The following RNLS variants were observed in gnomAD, a reference collection of about 807,000 sequenced individuals.
The protein encoded by RNLS is renalase.
A neutral mutation model predicts 39.8 loss-of-function variants in RNLS; 39 were observed. The observed-to-expected ratio is 0.98, with a 90% CI of 0.76 to 1.28. RNLS has a LOEUF of 1.28. RNLS is among the 50% of genes most tolerant of loss of function. RNLS has a pLI of 0.00. For missense variants in RNLS, 410 were observed against 413.3 expected (o/e 0.99, Z 0.07); for synonymous variants, 147 against 150.7 (o/e 0.98, Z 0.18).
At chr10:88,315,753 T>TTTA (rs1329019135) in intron 5 of RNLS, among the ~76,000 whole-genome samples, 1 of 151,326 alleles carries the variant, frequency 6.6e-6, no homozygotes, top group African/African-American at 2.4e-5. Flanking sequence ...TTTTTTTTTT[T>TTTA]AATGAGAATA....
chr10:88,182,090 G>A, the RNLS span, among the ~76,000 whole-genome samples: 5,366 of 152,226 alleles, frequency 0.035, 300 homozygotes, highest in African/African-American at 0.12. Context: ...CAAACAACTT[G>A]AAGTATGTTT....
chr10:88,473,831 A>G (rs1002212197), intron 4 of RNLS, among the ~76,000 whole-genome samples: 4 of 151,916 alleles, frequency 2.6e-5, no homozygotes, highest in Non-Finnish European at 4.4e-5. Context: ...AGCCATATAT[A>G]TATATTTTTC....
chr10:88,182,431 T>C, the RNLS span, among the ~76,000 whole-genome samples: 1 of 152,150 alleles, frequency 6.6e-6, no homozygotes, highest in Non-Finnish European at 1.5e-5. Flanking sequence ...TACTTTTTGC[T>C]TCAAAATGCG....
At chr10:88,201,588 A>G in the RNLS span, among the ~76,000 whole-genome samples, 2 of 152,064 alleles carry the variant, frequency 1.3e-5, no homozygotes, top group Non-Finnish European at 2.9e-5. Flanking sequence ...CCAGAATCTC[A>G]GAAATGGATC....
chr10:88,290,418 G>C (rs1005233521), intron 6 of RNLS, among the ~76,000 whole-genome samples: 1 of 152,168 alleles, frequency 6.6e-6, no homozygotes, highest in Non-Finnish European at 1.5e-5. Context: ...AATGTGATCA[G>C]GGAGACTGGA....
At chr10:88,282,590 G>A (rs530927573), downstream of RNLS, among the ~76,000 whole-genome samples, 2 of 151,448 alleles carry the variant, frequency 1.3e-5, no homozygotes, top group African/African-American at 4.9e-5. Flanking sequence ...AGTTAACAAG[G>A]TAGTGGGTAG....
chr10:88,551,597 T>A (rs1384730024), intron 4 of RNLS, among the ~76,000 whole-genome samples: 1 of 152,196 alleles, frequency 6.6e-6, no homozygotes, highest in Non-Finnish European at 1.5e-5. Flanking sequence ...AAACATCTAG[T>A]GCTTGTGATC....
chr10:88,353,583 T>C (rs1259379287), intron 5 of RNLS, among the ~76,000 whole-genome samples: 3 of 152,254 alleles, frequency 2.0e-5, no homozygotes, highest in Non-Finnish European at 2.9e-5. Context: ...AGACAGTTTG[T>C]TATAATTTCT....
intron 4 of RNLS, among the ~76,000 whole-genome samples, chr10:88,379,088 C>T (rs762879924): frequency 6.6e-6 from 1 of 152,156 alleles, no homozygotes; most frequent in Non-Finnish European, 1.5e-5. Context: ...GCATTTTGCT[C>T]TGGCATTATG....
At chr10:88,204,610 C>A in the RNLS span, among the ~76,000 whole-genome samples, 1 of 152,114 alleles carries the variant, frequency 6.6e-6, no homozygotes, top group East Asian at 1.9e-4. Flanking sequence ...TATGCTAAAT[C>A]TTTTGCAAAA....
At chr10:88,415,589 G>A (rs894707559) in intron 4 of RNLS, among the ~76,000 whole-genome samples, 7 of 152,170 alleles carry the variant, frequency 4.6e-5, no homozygotes, top group African/African-American at 7.2e-5. Context: ...TATTGGTTAT[G>A]TGATTGAGCA....
At chr10:88,203,614 C>T in the RNLS span, among the ~76,000 whole-genome samples, 1 of 149,692 alleles carries the variant, frequency 6.7e-6, no homozygotes, top group East Asian at 2.0e-4. Context: ...CATTCTGGAC[C>T]TACTGAATCA....
chr10:88,344,757 G>A (rs1848195369), intron 5 of RNLS, among the ~76,000 whole-genome samples: 1 of 152,018 alleles, frequency 6.6e-6, no homozygotes, highest in Admixed American at 6.6e-5. Context: ...TTTTAGTGAG[G>A]AAAACTATAT....
chr10:88,542,157 C>A (rs1215283631), intron 4 of RNLS, among the ~76,000 whole-genome samples: 1 of 152,050 alleles, frequency 6.6e-6, no homozygotes, highest in Non-Finnish European at 1.5e-5. Context: ...GCTATCATAT[C>A]AGAATAATCC....
chr10:88,179,729 C>G, the RNLS span, among the ~76,000 whole-genome samples: 1 of 152,198 alleles, frequency 6.6e-6, no homozygotes, highest in Non-Finnish European at 1.5e-5. Flanking sequence ...TACTTTTTAA[C>G]CACAATGCTC....
chr10:88,406,858 C>G (rs1853306419), intron 4 of RNLS, among the ~76,000 whole-genome samples: 1 of 152,022 alleles, frequency 6.6e-6, no homozygotes, highest in South Asian at 2.1e-4. Flanking sequence ...TGATGAAATA[C>G]TACACAGCCA....
At chr10:88,466,682 C>T (rs942669488) in intron 4 of RNLS, among the ~76,000 whole-genome samples, 1 of 152,098 alleles carries the variant, frequency 6.6e-6, no homozygotes. Flanking sequence ...TTTCTCCCTT[C>T]TTATTGAGTT....
intron 6 of RNLS, among the ~76,000 whole-genome samples, chr10:88,302,459 A>T (rs1352462450): frequency 1.3e-5 from 2 of 152,248 alleles, no homozygotes; most frequent in African/African-American, 4.8e-5. Context: ...CCAGATTCAA[A>T]ATTGCTATTA....
intron 5 of RNLS, among the ~76,000 whole-genome samples, chr10:88,358,093 T>G (rs183182357): frequency 2.0e-5 from 3 of 152,326 alleles, no homozygotes; most frequent in Admixed American, 2.0e-4. Context: ...GTAGGTCTTG[T>G]GAGTCCAAAT....
Sources: allele counts gnomAD v4.1 joint callset (sites outside exome capture counted in the v4.1 genomes callset), GRCh38; gene constraint gnomAD v4.1.1; transcripts MANE v1.5; gene names NCBI Gene and HGNC (gene_info 2026-07-23, HGNC 2026-07-21).